The following EVA1C variants were observed in gnomAD, a reference collection of about 807,000 sequenced individuals.
The protein encoded by EVA1C is eva-1 homolog C.
In EVA1C, 25 loss-of-function variants were observed where a neutral mutation model predicts 45.4. The ratio of observed to expected loss-of-function variants is 0.55; its 90% CI spans 0.40 to 0.77. The LOEUF (loss-of-function observed/expected upper bound fraction) is 0.77. Ranked by LOEUF, EVA1C falls within the 30% of genes least tolerant of loss-of-function variation. The pLI, the probability that EVA1C is intolerant of heterozygous loss-of-function variation, is 0.00. For missense variants in EVA1C, 479 were observed against 554.8 expected (o/e 0.86, Z 1.37); for synonymous variants, 190 against 221.2 (o/e 0.86, Z 1.25).
intron 7 of EVA1C, among the ~76,000 whole-genome samples, chr21:32,511,064 T>C (rs898489182): frequency 6.6e-6 from 1 of 151,422 alleles, no homozygotes; most frequent in Non-Finnish European, 1.5e-5. Context: ...TCTCTATCTA[T>C]ATGTATACAC....
At chr21:32,483,842 T>C (rs2036876091) in intron 4 of EVA1C, among the ~76,000 whole-genome samples, 1 of 152,100 alleles carries the variant, frequency 6.6e-6, no homozygotes, top group African/African-American at 2.4e-5. Context: ...CTTAGCAAAA[T>C]AAGTCCGAAC....
intron 7 of EVA1C, among the ~76,000 whole-genome samples, chr21:32,509,975 A>G (rs569396659): frequency 6.6e-6 from 1 of 151,048 alleles, no homozygotes; most frequent in South Asian, 2.1e-4. Flanking sequence ...GCCAGGTCAT[A>G]GCCGGCTTCC....
rs117340927 is a variant in EVA1C at position 32,425,816 on chromosome 21, G to A, written c.160+12803G>A. On this transcript the variant is annotated intron_variant, in intron 1 of 7. Coordinates refer to ENST00000300255, the MANE Select transcript of EVA1C (RefSeq NM_058187.5). Reference sequence around the variant, plus strand: ...TTAGTGAGTAGAAGCCAGGGACACCGCTAAACATCTGACACTGTCCAGGAC... The same window carrying A: ...TTAGTGAGTAGAAGCCAGGGACACCACTAAACATCTGACACTGTCCAGGAC... Among the ~76,000 whole-genome samples the A allele has an allele frequency of 3.5e-3, 538 of 152,264 alleles. 25 individuals carry two copies. In the East Asian group the frequency reaches 0.087, roughly 25 times the overall value.
At chr21:32,436,223 C>T (rs1004286358) in intron 1 of EVA1C, among the ~76,000 whole-genome samples, 1 of 152,096 alleles carries the variant, frequency 6.6e-6, no homozygotes, top group Non-Finnish European at 1.5e-5. Flanking sequence ...GTCACCACAC[C>T]CGCCTAATTT....
At chr21:32,464,804 C>T (rs2036118089) in intron 3 of EVA1C, among the ~76,000 whole-genome samples, 1 of 152,146 alleles carries the variant, frequency 6.6e-6, no homozygotes, top group South Asian at 2.1e-4. Flanking sequence ...GTCTGGGTGA[C>T]AGAGTGAGAC....
intron 3 of EVA1C, among the ~76,000 whole-genome samples, chr21:32,463,322 G>A (rs895636997): frequency 3.3e-5 from 5 of 152,172 alleles, no homozygotes; most frequent in African/African-American, 1.2e-4. Flanking sequence ...CCCACTTCTG[G>A]AAGGCTGCCC....
intron 4 of EVA1C, among the ~76,000 whole-genome samples, chr21:32,480,961 CA>C (rs201056328): frequency 0.23 from 30,560 of 134,882 alleles, 3,268 homozygotes; most frequent in African/African-American, 0.29. Context: ...AGTGCCGTCT[CA>C]AAAAAAAAAA....
chr21:32,503,324 T>C (rs1424434344), intron 6 of EVA1C, among the ~76,000 whole-genome samples: 1 of 152,220 alleles, frequency 6.6e-6, no homozygotes, highest in East Asian at 1.9e-4. Context: ...GGCGGGCAGA[T>C]CACCTGAGGT....
chr21:32,444,066 A>G (rs1242024737), intron 1 of EVA1C, among the ~76,000 whole-genome samples: 1 of 139,982 alleles, frequency 7.1e-6, no homozygotes, highest in Non-Finnish European at 1.6e-5. Context: ...ACACACACAC[A>G]CACACACACA....
chr21:32,463,126 T>C (rs1408752708), intron 3 of EVA1C, among the ~76,000 whole-genome samples: 1 of 152,146 alleles, frequency 6.6e-6, no homozygotes, highest in South Asian at 2.1e-4. Flanking sequence ...ATTTGTAGGT[T>C]GGTGCAAAAA....
At chr21:32,443,080 C>T (rs2833838) in intron 1 of EVA1C, among the ~76,000 whole-genome samples, 23,117 of 150,922 alleles carry the variant, frequency 0.15, 2,061 homozygotes, top group East Asian at 0.27. Flanking sequence ...TCAGCAGTGA[C>T]ATGTCTGGAC....
chr21:32,458,814 C>T lies in EVA1C; in HGVS notation c.481+1094C>T, dbSNP rs1283662257. Among the ~76,000 whole-genome samples the T allele has an allele frequency of 5.9e-5, 9 of 152,102 alleles. No individual in the cohort carries two copies. The East Asian group carries it at 1.2e-3, about 20-fold the overall frequency. ...CATTTTTAAACCTCCTCCCTGCCAC[C>T]CAACACAACTGTTTTCACTTTTTGC... is the stretch of plus-strand genomic sequence containing the variant. On this transcript the variant is annotated intron_variant, in intron 3 of 7. Transcript: ENST00000300255.
In EVA1C at chr21:32,494,248, C is replaced by A. The variant is rs114788770; in HGVS notation, c.635-779C>A. On this transcript the variant is annotated intron_variant, in intron 4 of 7. Coordinates refer to ENST00000300255, the MANE Select transcript of EVA1C (RefSeq NM_058187.5). ...AATTAGTTTATTTCATTCATTCATT[C>A]ATCAGATATTTACTTGCCTTCTACA... Among the ~76,000 whole-genome samples the A allele has an allele frequency of 4.8e-3, 738 of 152,300 alleles. 15 individuals carry two copies. Among genetic ancestry groups the A allele is most frequent in the African/African-American group, 0.017 (706 of 41,554 alleles).
At chr21:32,428,000 G>A (rs1423544916) in intron 1 of EVA1C, among the ~76,000 whole-genome samples, 7 of 151,828 alleles carry the variant, frequency 4.6e-5, no homozygotes, top group Admixed American at 2.6e-4. Flanking sequence ...TGCACAGTTT[G>A]TCCTCCATGT....
intron 3 of EVA1C, among the ~76,000 whole-genome samples, chr21:32,459,258 G>A (rs1467594653): frequency 6.6e-6 from 1 of 151,922 alleles, no homozygotes; most frequent in African/African-American, 2.4e-5. Flanking sequence ...ACAGACAATC[G>A]CAAATACCTA....
chr21:32,504,356 C>T (rs2037655388), intron 7 of EVA1C, among the ~76,000 whole-genome samples: 1 of 152,240 alleles, frequency 6.6e-6, no homozygotes, highest in Non-Finnish European at 1.5e-5. Flanking sequence ...CCAGCCCTGA[C>T]TGGAAGAAAA....
intron 4 of EVA1C, among the ~76,000 whole-genome samples, chr21:32,472,596 T>A (rs1309099916): frequency 1.3e-5 from 2 of 151,576 alleles, no homozygotes; most frequent in Admixed American, 6.6e-5. Context: ...TGATCGCACC[T>A]CTGCACTCCA....
chr21:32,483,832 C>G (rs753938910), intron 4 of EVA1C, among the ~76,000 whole-genome samples: 2 of 152,176 alleles, frequency 1.3e-5, no homozygotes, highest in Admixed American at 1.3e-4. Context: ...GGAATGGTAC[C>G]TTAGCAAAAT....
chr21:32,491,351 G>T (rs941862339), intron 4 of EVA1C, among the ~76,000 whole-genome samples: 1 of 152,022 alleles, frequency 6.6e-6, no homozygotes, highest in Admixed American at 6.6e-5. Context: ...TTGGTCAGAT[G>T]GGGGGTTGGG....
Sources: gnomAD v4.1 joint callset for allele counts (sites outside exome capture counted in the v4.1 genomes callset) on GRCh38, gnomAD v4.1.1 for gene constraint, MANE v1.5 for transcripts, NCBI Gene and HGNC (gene_info 2026-07-23, HGNC 2026-07-21) for gene names.